The following NCALD variants were observed in gnomAD, a reference collection of about 807,000 sequenced individuals.
The protein encoded by NCALD is neurocalcin delta.
A neutral mutation model predicts 18.6 loss-of-function variants in NCALD; 10 were observed. That is an observed-to-expected ratio of 0.54 (90% CI 0.33 to 0.91). NCALD has a LOEUF of 0.91. Among genes scored for constraint, NCALD ranks in the 40% least tolerant of loss-of-function variants. The probability of loss-of-function intolerance (pLI) is 0.03; values close to 1 mark genes in which losing one functional copy is unlikely to be tolerated. For synonymous variants in NCALD, 88 were observed against 87.4 expected, an observed-to-expected ratio of 1.01 and a Z score of -0.04; for missense variants, 184 against 247.6, an observed-to-expected ratio of 0.74 and a Z score of 1.72.
chr8:101,982,595 C>T (rs1586866666), intron 2 of NCALD, among the ~76,000 whole-genome samples: 1 of 152,142 alleles, frequency 6.6e-6, no homozygotes, highest in Admixed American at 6.5e-5. Context: ...AATCCCAGCA[C>T]TTTGAGAGGC....
intron 1 of NCALD, among the ~76,000 whole-genome samples, chr8:102,068,554 C>T (rs982342116): frequency 6.6e-6 from 1 of 152,186 alleles, no homozygotes; most frequent in African/African-American, 2.4e-5. Context: ...AGAAAGGCCA[C>T]CCCTGGCTAC....
chr8:101,993,903 A>G (rs1196844151), intron 2 of NCALD, among the ~76,000 whole-genome samples: 1 of 152,172 alleles, frequency 6.6e-6, no homozygotes, highest in Non-Finnish European at 1.5e-5. Flanking sequence ...CATCTTCCTT[A>G]TAGAATTGAT....
intron 2 of NCALD, among the ~76,000 whole-genome samples, chr8:101,982,595 C>CT (rs1290592640): frequency 6.6e-6 from 1 of 152,142 alleles, no homozygotes; most frequent in Non-Finnish European, 1.5e-5. Flanking sequence ...AATCCCAGCA[C>CT]TTTGAGAGGC....
intron 3 of NCALD, among the ~76,000 whole-genome samples, chr8:101,907,028 C>T (rs1428017422): frequency 6.6e-6 from 1 of 152,192 alleles, no homozygotes; most frequent in Non-Finnish European, 1.5e-5. Context: ...TCCAGTGTGA[C>T]TCTGCACAGC....
intron 2 of NCALD, among the ~76,000 whole-genome samples, chr8:101,974,524 C>T (rs1299916864): frequency 6.6e-6 from 1 of 152,158 alleles, no homozygotes. Flanking sequence ...CTTGCTCAAG[C>T]ATGTGGGATG....
chr8:101,778,318 G>A (rs1811876924), intron 1 of NCALD, among the ~76,000 whole-genome samples: 1 of 152,078 alleles, frequency 6.6e-6, no homozygotes, highest in Admixed American at 6.6e-5. Flanking sequence ...AAATATGATT[G>A]GGCCAGTCAA....
chr8:101,979,836 G>A (rs1429522518), intron 2 of NCALD, among the ~76,000 whole-genome samples: 1 of 152,148 alleles, frequency 6.6e-6, no homozygotes, highest in Non-Finnish European at 1.5e-5. Flanking sequence ...GGTCATTCTG[G>A]CAACTAACCG....
intron 1 of NCALD, among the ~76,000 whole-genome samples, chr8:101,742,637 T>A (rs937958682): frequency 6.6e-6 from 1 of 152,176 alleles, no homozygotes; most frequent in African/African-American, 2.4e-5. Context: ...TATAGTTTGA[T>A]AAACTGATCC....
At chr8:101,734,085 G>A (rs1432056151) in intron 1 of NCALD, among the ~76,000 whole-genome samples, 1 of 152,170 alleles carries the variant, frequency 6.6e-6, no homozygotes, top group Admixed American at 6.5e-5. Flanking sequence ...GCTCTCTTAT[G>A]TTAGCAGTGC....
chr8:101,933,411 G>T (rs1236608580), intron 2 of NCALD, among the ~76,000 whole-genome samples: 1 of 152,166 alleles, frequency 6.6e-6, no homozygotes, highest in Non-Finnish European at 1.5e-5. Context: ...GCTGACAAAG[G>T]CCAGGAAATG....
intron 1 of NCALD, among the ~76,000 whole-genome samples, chr8:102,078,634 A>G (rs76346784): frequency 0.091 from 13,795 of 152,170 alleles, 1,573 homozygotes; most frequent in African/African-American, 0.27. Flanking sequence ...CCTCACACAC[A>G]ACCTTGACTC....
intron 1 of NCALD, among the ~76,000 whole-genome samples, chr8:102,035,617 G>T (rs1822835497): frequency 6.6e-6 from 1 of 151,924 alleles, no homozygotes; most frequent in African/African-American, 2.4e-5. Flanking sequence ...CTTGACTAGG[G>T]TATTAAAAAT....
At chr8:101,985,548 T>G (rs1460068336) in intron 2 of NCALD, among the ~76,000 whole-genome samples, 1 of 152,214 alleles carries the variant, frequency 6.6e-6, no homozygotes, top group East Asian at 1.9e-4. Context: ...CTTTTATATT[T>G]TTAAAAACTG....
rs965521319 is a variant in NCALD, at chr8:101,690,755, T to A, written c.485-1349A>T. ...CCCTCCAAGCTCTGTGTGCTGGCCA[T>A]TTTTTATGAGCCCAGCCCTGCCCAC... On this transcript the variant is annotated intron_variant, in intron 3 of 3. Coordinates refer to ENST00000220931, the MANE Select transcript of NCALD (RefSeq NM_032041.3). 5 of 985,350 alleles carry A rather than the reference T, an allele frequency of 5.1e-6. No homozygotes were observed. The African/African-American group carries it at 5.2e-5, about 10-fold the overall frequency. 61.0% of individuals were successfully genotyped at this position (985,350 alleles called of 1,614,324 possible). A position where few individuals can be genotyped will look rare whatever the true frequency, so the allele number is the denominator to read the frequency against.
At chr8:102,039,517 A>G (rs1822979218) in intron 1 of NCALD, among the ~76,000 whole-genome samples, 1 of 152,168 alleles carries the variant, frequency 6.6e-6, no homozygotes, top group Non-Finnish European at 1.5e-5. Flanking sequence ...TTTGAATTTT[A>G]TATCATTAAT....
intron 3 of NCALD, among the ~76,000 whole-genome samples, chr8:101,911,090 C>A (rs1817777808): frequency 6.6e-6 from 1 of 152,116 alleles, no homozygotes; most frequent in African/African-American, 2.4e-5. Flanking sequence ...AAGAAGGAAG[C>A]AGGTAAGCTC....
intron 4 of NCALD, among the ~76,000 whole-genome samples, chr8:101,820,892 C>T (rs6992376): frequency 6.6e-6 from 1 of 152,104 alleles, no homozygotes; most frequent in Non-Finnish European, 1.5e-5. Context: ...GGCAAATAAC[C>T]AGAAATTTGG....
intron 2 of NCALD, among the ~76,000 whole-genome samples, chr8:101,925,350 GGT>G (rs1367444265): frequency 2.6e-5 from 4 of 151,956 alleles, no homozygotes; most frequent in African/African-American, 9.7e-5. Flanking sequence ...GCAGGGGTAG[GGT>G]ACTTTAAGGT....
At chr8:101,770,589 A>G (rs13268186) in intron 1 of NCALD, among the ~76,000 whole-genome samples, 98,136 of 152,118 alleles carry the variant, frequency 0.65, 33,542 homozygotes, top group Non-Finnish European at 0.76. Flanking sequence ...CCAGGAAAAA[A>G]CAAAGTTAGA....
Sources: gnomAD v4.1 joint callset for allele counts (sites outside exome capture counted in the v4.1 genomes callset) on GRCh38, gnomAD v4.1.1 for gene constraint, MANE v1.5 for transcripts, NCBI Gene and HGNC (gene_info 2026-07-23, HGNC 2026-07-21) for gene names.